The following GRIP1 variants were observed in gnomAD, a reference collection of about 807,000 sequenced individuals.
The protein encoded by GRIP1 is glutamate receptor interacting protein 1.
A neutral mutation model predicts 129.9 loss-of-function variants in GRIP1; 45 were observed. That is an observed-to-expected ratio of 0.35 (90% CI 0.27 to 0.44). The LOEUF is 0.44. GRIP1 is among the 20% of genes least tolerant of loss of function. The pLI, the probability that GRIP1 is intolerant of heterozygous loss-of-function variation, is 1.00. For synonymous variants in GRIP1, 530 were observed against 520.8 expected, an observed-to-expected ratio of 1.02 and a Z score of -0.24; for missense variants, 1,196 against 1,396.8, an observed-to-expected ratio of 0.86 and a Z score of 2.29.
intron 17 of GRIP1, among the ~76,000 whole-genome samples, chr12:66,393,523 G>A (rs1415119894): frequency 6.6e-6 from 1 of 152,094 alleles, no homozygotes; most frequent in Non-Finnish European, 1.5e-5. Context: ...TTGCAATGCT[G>A]TGTCTCTATT....
At chr12:66,704,072 A>G (rs972659718) in intron 1 of GRIP1, among the ~76,000 whole-genome samples, 5 of 152,144 alleles carry the variant, frequency 3.3e-5, no homozygotes, top group African/African-American at 1.2e-4. Context: ...AATATAGTAG[A>G]TGACAATAAA....
chr12:66,369,141 T>A (rs560592361), intron 23 of GRIP1, among the ~76,000 whole-genome samples: 1 of 152,172 alleles, frequency 6.6e-6, no homozygotes, highest in African/African-American at 2.4e-5. Flanking sequence ...CATGTATGTA[T>A]TGTCACCATT....
chr12:66,584,494 A>T (rs1451007740), intron 2 of GRIP1, among the ~76,000 whole-genome samples: 1 of 152,056 alleles, frequency 6.6e-6, no homozygotes, highest in Non-Finnish European at 1.5e-5. Flanking sequence ...AATCACTTGA[A>T]CCCGGGAGGC....
chr12:66,852,326 G>A (rs2039926989), intron 1 of GRIP1, among the ~76,000 whole-genome samples: 2 of 151,866 alleles, frequency 1.3e-5, no homozygotes, highest in South Asian at 4.1e-4. Context: ...GGTGTGCTCA[G>A]TTAGCAGCCC....
chr12:66,882,902 T>G (rs1230133965), intron 1 of GRIP1, among the ~76,000 whole-genome samples: 1 of 152,182 alleles, frequency 6.6e-6, no homozygotes, highest in African/African-American at 2.4e-5. Context: ...TCTGCCGTTC[T>G]TTGCAAGGTT....
chr12:67,031,276 C>T (rs976218839), intron 1 of GRIP1, among the ~76,000 whole-genome samples: 1 of 152,132 alleles, frequency 6.6e-6, no homozygotes, highest in Non-Finnish European at 1.5e-5. Context: ...ACTGTAGAAG[C>T]CTTCTCAAAG....
intron 1 of GRIP1, among the ~76,000 whole-genome samples, chr12:67,024,868 A>T (rs2042918745): frequency 2.0e-5 from 3 of 152,222 alleles, no homozygotes; most frequent in Admixed American, 2.0e-4. Flanking sequence ...TCCCCCACTA[A>T]TAATGTTTAA....
At chr12:66,640,291 T>C (rs1301992842) in intron 1 of GRIP1, among the ~76,000 whole-genome samples, 4 of 152,224 alleles carry the variant, frequency 2.6e-5, no homozygotes, top group Non-Finnish European at 5.9e-5. Context: ...ATCCCTCTAA[T>C]TCCAAGCACA....
At chr12:66,652,312 G>A (rs1053703839) in intron 1 of GRIP1, among the ~76,000 whole-genome samples, 4 of 152,068 alleles carry the variant, frequency 2.6e-5, no homozygotes, top group African/African-American at 9.7e-5. Flanking sequence ...AGATCTGATG[G>A]TTTTACACAT....
chr12:66,861,381 A>C (rs1436183302), intron 1 of GRIP1, among the ~76,000 whole-genome samples: 1 of 152,114 alleles, frequency 6.6e-6, no homozygotes, highest in Non-Finnish European at 1.5e-5. Flanking sequence ...AAAAAAATGC[A>C]AGATGCTCTC....
At chr12:66,396,750 A>T (rs865888948) in intron 16 of GRIP1, among the ~76,000 whole-genome samples, 1 of 152,154 alleles carries the variant, frequency 6.6e-6, no homozygotes. Context: ...ATTCTATTTA[A>T]ATTATGACAG....
intron 2 of GRIP1, among the ~76,000 whole-genome samples, chr12:66,582,438 T>A (rs892013099): frequency 1.3e-5 from 2 of 149,492 alleles, no homozygotes; most frequent in Non-Finnish European, 3.0e-5. Flanking sequence ...ATAAAGGGTA[T>A]TCAATTAAGA....
chr12:67,044,651 A>G (rs571349524), intron 1 of GRIP1, among the ~76,000 whole-genome samples: 13 of 152,286 alleles, frequency 8.5e-5, no homozygotes, highest in African/African-American at 2.9e-4. Context: ...GCTGCGCTCA[A>G]GCTGACACCA....
chr12:66,542,471 C>T (rs2904514), intron 2 of GRIP1, among the ~76,000 whole-genome samples: 1 of 152,068 alleles, frequency 6.6e-6, no homozygotes. Context: ...CTTTCAAAAA[C>T]AAAGTATGAT....
intron 1 of GRIP1, among the ~76,000 whole-genome samples, chr12:66,717,361 G>C (rs559306265): frequency 6.8e-6 from 1 of 146,864 alleles, no homozygotes; most frequent in Non-Finnish European, 1.5e-5. Context: ...CATTTATAAT[G>C]GGCTTGAATT....
chr12:66,532,174 C>T (rs2061480678), intron 4 of GRIP1, among the ~76,000 whole-genome samples: 1 of 152,160 alleles, frequency 6.6e-6, no homozygotes, highest in Non-Finnish European at 1.5e-5. Flanking sequence ...CGTTTTAATA[C>T]AATTAATGAA....
chr12:66,634,841 G>T (rs2031196755), intron 1 of GRIP1, among the ~76,000 whole-genome samples: 1 of 152,232 alleles, frequency 6.6e-6, no homozygotes, highest in African/African-American at 2.4e-5. Context: ...GCCACACTCT[G>T]CTTCCAATGT....
chr12:67,028,613 C>T (rs553626910), intron 1 of GRIP1, among the ~76,000 whole-genome samples: 44 of 152,250 alleles, frequency 2.9e-4, no homozygotes, highest in Non-Finnish European at 5.6e-4. Flanking sequence ...ATAGCCTCTG[C>T]CTCTTCAGTA....
In GRIP1 at chr12:66,628,354, G is replaced by A. The variant is rs568287798; in HGVS notation, c.56-31427C>T. On this transcript the variant is annotated intron_variant, in intron 1 of 24. Transcript: ENST00000359742. ...TGTACCTAGGCCTCCAGTGAAAGCA[G>A]GGGTCTGAACAGGACCCTAACACTG... 3.5e-3 allele frequency among the ~76,000 whole-genome samples: 534 copies of A among 152,186 alleles called. 2 individuals are homozygous for A. Among genetic ancestry groups the A allele is most frequent in the Non-Finnish European group, 5.7e-3 (388 of 68,000 alleles).
Sources: gnomAD v4.1 joint callset for allele counts (sites outside exome capture counted in the v4.1 genomes callset) on GRCh38, gnomAD v4.1.1 for gene constraint, MANE v1.5 for transcripts, NCBI Gene and HGNC (gene_info 2026-07-23, HGNC 2026-07-21) for gene names.